MMD: variants seen among roughly 807,000 people sequenced by gnomAD.
MMD encodes the protein monocyte to macrophage differentiation factor.
MMD carries 22 observed loss-of-function variants against 33.6 expected under a neutral mutation model. The observed-to-expected ratio is 0.66, with a 90% CI of 0.47 to 0.94. The LOEUF (loss-of-function observed/expected upper bound fraction) is 0.94. Among genes scored for constraint, MMD ranks in the 40% least tolerant of loss-of-function variants. The pLI is 0.00. For missense variants in MMD, 242 were observed against 309.8 expected (o/e 0.78, Z 1.64); for synonymous variants, 97 against 103.2 (o/e 0.94, Z 0.36).
intron 4 of MMD, among the ~76,000 whole-genome samples, chr17:55,406,340 G>A (rs917839127): frequency 6.6e-6 from 1 of 152,020 alleles, no homozygotes; most frequent in African/African-American, 2.4e-5. Context: ...GTTGCAGTGA[G>A]CTGAGATCAC....
intron 1 of MMD, among the ~76,000 whole-genome samples, chr17:55,414,962 C>A (rs955091626): frequency 6.6e-6 from 1 of 152,172 alleles, no homozygotes; most frequent in Non-Finnish European, 1.5e-5. Flanking sequence ...AATGTGTGTA[C>A]GTATCTAAAT....
At chr17:55,421,447 T>A (rs1908184202) in intron 1 of MMD, among the ~76,000 whole-genome samples, 1 of 152,106 alleles carries the variant, frequency 6.6e-6, no homozygotes. Flanking sequence ...GGTCCGCAGA[T>A]CGCGAGGGGA....
intron 4 of MMD, among the ~76,000 whole-genome samples, chr17:55,405,854 A>C (rs967726846): frequency 1.1e-4 from 16 of 152,240 alleles, no homozygotes; most frequent in Non-Finnish European, 2.4e-4. Flanking sequence ...ATGATTGCAA[A>C]ATATAAGCTT....
rs555053748 is a variant in MMD, at chr17:55,392,739, T to G, written c.*1595A>C. On this transcript the variant is annotated 3_prime_UTR_variant, in exon 7 of 7. Coordinates refer to ENST00000262065, the MANE Select transcript of MMD (RefSeq NM_012329.3). Reference sequence around the variant, plus strand: ...ATCCACAAAGTTAATATATTAAAAATAAAATATACACAGTAAAACAACAGG... The same window carrying G: ...ATCCACAAAGTTAATATATTAAAAAGAAAATATACACAGTAAAACAACAGG... The G allele has an allele frequency of 6.6e-4, 101 of 152,660 alleles. No individual in the cohort carries two copies. The highest frequency in any genetic ancestry group is 2.3e-3 in the African/African-American group (97 of 41,544). The allele number at this position is 152,660 out of a possible 1,614,324, so 9.5% of individuals were successfully genotyped here.
rs1201469583 is a variant in MMD, at chr17:55,398,406, ATC to A, written c.516+3061_516+3062del. The stretch of plus-strand genomic sequence containing the variant: ...CTCCAGGTATTTTCTGAGATTCCTC[ATC>A]TGTTTTAAACTCCCTGTGTGTGAAT... On this transcript the variant is annotated intron_variant, in intron 6 of 6. Transcript: ENST00000262065. Among the ~76,000 whole-genome samples, 3 of 151,688 alleles carry A rather than the reference ATC, an allele frequency of 2.0e-5. No homozygotes were observed. In the East Asian group the frequency reaches 5.8e-4, roughly 29 times the overall value.
chr17:55,400,745 A>G (rs1907297051), intron 6 of MMD, among the ~76,000 whole-genome samples: 1 of 152,134 alleles, frequency 6.6e-6, no homozygotes, highest in Admixed American at 6.6e-5. Context: ...AGGTGGATGG[A>G]ACCATGAAGT....
At chr17:55,411,670 T>C (rs1907768063) in intron 2 of MMD, among the ~76,000 whole-genome samples, 1 of 151,420 alleles carries the variant, frequency 6.6e-6, no homozygotes, top group Admixed American at 6.6e-5. Context: ...GGATGCAACA[T>C]CATTCAGCTG....
intron 5 of MMD, among the ~76,000 whole-genome samples, chr17:55,402,045 C>T (rs1347769437): frequency 2.2e-5 from 3 of 139,478 alleles, no homozygotes; most frequent in African/African-American, 8.2e-5. Flanking sequence ...GATCGCACCA[C>T]TGCACTCCAT....
At chr17:55,404,455 C>T in intron 4 of MMD, 1 of 984,214 alleles carries the variant, frequency 1.0e-6, no homozygotes, top group Non-Finnish European at 1.2e-6. Context: ...CCTAACTTAC[C>T]CTATTAGGCA....
In MMD at chr17:55,407,825, C is replaced by A; in HGVS notation, c.270-5G>T. 2 of 1,570,128 alleles carry A rather than the reference C, an allele frequency of 1.3e-6. No individual in the cohort carries two copies. Among genetic ancestry groups the A allele is most frequent in the South Asian group, 1.2e-5 (1 of 82,816 alleles). ...TGAAAACAATGCTCCACTGTCCTAG[C>A]GAGGGGGAAAAAAAAGTAAATTTGT... is the stretch of plus-strand genomic sequence containing the variant. On this transcript the variant is annotated splice_polypyrimidine_tract_variant and splice_region_variant and intron_variant, in intron 3 of 6. Transcript: ENST00000262065.
At chr17:55,418,653 T>G (rs1237703674) in intron 1 of MMD, among the ~76,000 whole-genome samples, 1 of 152,222 alleles carries the variant, frequency 6.6e-6, no homozygotes, top group Admixed American at 6.5e-5. Flanking sequence ...GAAAAGTGTC[T>G]ACTGTCAATA....
chr17:55,417,701 T>C (rs1908022988), intron 1 of MMD, among the ~76,000 whole-genome samples: 1 of 152,074 alleles, frequency 6.6e-6, no homozygotes, highest in South Asian at 2.1e-4. Context: ...CTGACTGAGG[T>C]AGAAGGACTG....
At chr17:55,401,087 T>C (rs1433225719) in intron 6 of MMD, among the ~76,000 whole-genome samples, 1 of 152,172 alleles carries the variant, frequency 6.6e-6, no homozygotes, top group Non-Finnish European at 1.5e-5. Context: ...GACAGAAACA[T>C]ACCTGAATTT....
intron 1 of MMD, among the ~76,000 whole-genome samples, chr17:55,418,819 A>G (rs1908067741): frequency 6.6e-6 from 1 of 152,230 alleles, no homozygotes; most frequent in African/African-American, 2.4e-5. Context: ...TTTCCCACAT[A>G]TCCAGTTTTG....
chr17:55,415,195 A>G (rs1416718349), intron 1 of MMD, among the ~76,000 whole-genome samples: 1 of 152,102 alleles, frequency 6.6e-6, no homozygotes, highest in Non-Finnish European at 1.5e-5. Context: ...TAGTCTAATT[A>G]ATCCTTTTTT....
intron 2 of MMD, 70 bp from the exon 3 acceptor site, chr17:55,411,487 T>C: frequency 6.9e-7 from 1 of 1,458,330 alleles, no homozygotes; most frequent in Non-Finnish European, 9.2e-7. Context: ...TTACTAAAAA[T>C]ACAGAGCTTT....
intron 1 of MMD, among the ~76,000 whole-genome samples, chr17:55,414,909 T>TTAG (rs1440569702): frequency 1.3e-5 from 2 of 152,210 alleles, no homozygotes; most frequent in Admixed American, 6.5e-5. Flanking sequence ...AACACATGAC[T>TTAG]ACTACCTGAT....
intron 4 of MMD, among the ~76,000 whole-genome samples, chr17:55,406,876 C>T (rs1281822295): frequency 6.6e-6 from 1 of 151,704 alleles, no homozygotes; most frequent in African/African-American, 2.4e-5. Flanking sequence ...CCCAAAAATA[C>T]AAAAATTAGC....
intron 2 of MMD, among the ~76,000 whole-genome samples, chr17:55,412,079 A>G (rs1173090434): frequency 6.6e-6 from 1 of 152,208 alleles, no homozygotes; most frequent in East Asian, 1.9e-4. Flanking sequence ...CCCATTTCAA[A>G]AAACAGCCAA....
Sources: gnomAD v4.1 joint callset for allele counts (sites outside exome capture counted in the v4.1 genomes callset) on GRCh38, gnomAD v4.1.1 for gene constraint, MANE v1.5 for transcripts, NCBI Gene and HGNC (gene_info 2026-07-23, HGNC 2026-07-21) for gene names.